Variants in MOCOS observed in about 807,000 individuals in gnomAD.
MOCOS encodes human molybdenum cofactor sulfurase.
Under a neutral mutation model 83.6 loss-of-function variants are expected in MOCOS, and 86 were observed. The ratio of observed to expected loss-of-function variants is 1.03; its 90% CI spans 0.86 to 1.23. MOCOS has a LOEUF of 1.23. Ranked by LOEUF, MOCOS falls within the 50% of genes most tolerant of loss-of-function variation. The probability of loss-of-function intolerance (pLI) is 0.00; values close to 1 mark genes in which losing one functional copy is unlikely to be tolerated. For synonymous variants in MOCOS, 445 were observed against 434.7 expected (o/e 1.02, Z -0.29); for missense variants, 1,120 against 1,126.9 (o/e 0.99, Z 0.09).
chr18:36,266,982 C>A, intron 14 of MOCOS, 129 bp downstream of exon 14: 1 of 776,612 alleles, frequency 1.3e-6, no homozygotes, highest in Non-Finnish European at 2.2e-6. Context: ...AGCTGTTGGG[C>A]TGCCATTAAC....
chr18:36,220,427 T>A (rs1293737251), intron 9 of MOCOS, among the ~76,000 whole-genome samples: 1 of 151,738 alleles, frequency 6.6e-6, no homozygotes, highest in Non-Finnish European at 1.5e-5. Flanking sequence ...AAGAATCACT[T>A]GAACCCGGGA....
chr18:36,264,395 C>A (rs896842106), intron 13 of MOCOS, among the ~76,000 whole-genome samples: 4 of 152,148 alleles, frequency 2.6e-5, no homozygotes, highest in East Asian at 3.9e-4. Flanking sequence ...CAGCTGTTTT[C>A]TAGGCAAAGA....
Position 36,246,559 on chromosome 18 carries a change from C to A in MOCOS, c.1961-2363C>A, listed in dbSNP as rs114044640. ...AGTAAAGTGGACTCTGTTGGGAGTCCTTGGTTGTAGTTTTGTTTTAGTGTG... is the reference window on the plus strand; with the variant it reads ...AGTAAAGTGGACTCTGTTGGGAGTCATTGGTTGTAGTTTTGTTTTAGTGTG... On this transcript the variant is annotated intron_variant, in intron 9 of 14. Coordinates refer to ENST00000261326, the MANE Select transcript of MOCOS (RefSeq NM_017947.4). 2.6e-3 allele frequency among the ~76,000 whole-genome samples: 392 copies of A among 152,204 alleles called. 1 individual carries two copies. Among genetic ancestry groups the A allele is most frequent in the African/African-American group, 9.0e-3 (375 of 41,526 alleles).
chr18:36,242,357 C>T (rs908847077), intron 9 of MOCOS, among the ~76,000 whole-genome samples: 2 of 152,208 alleles, frequency 1.3e-5, no homozygotes, highest in Non-Finnish European at 2.9e-5. Context: ...TTAGCCTGGA[C>T]TTCACTGTCC....
chr18:36,196,486 C>G (rs2091388097), intron 2 of MOCOS, among the ~76,000 whole-genome samples: 1 of 152,050 alleles, frequency 6.6e-6, no homozygotes, highest in Non-Finnish European at 1.5e-5. Flanking sequence ...CTCCAGAGCC[C>G]AAGCCCTTAG....
intron 9 of MOCOS, among the ~76,000 whole-genome samples, chr18:36,224,531 C>A (rs1014325924): frequency 6.6e-6 from 1 of 152,032 alleles, no homozygotes; most frequent in Non-Finnish European, 1.5e-5. Flanking sequence ...TTTCTGTGTC[C>A]ATTGAGATGA....
At chr18:36,236,051 G>A (rs1461196435) in intron 9 of MOCOS, among the ~76,000 whole-genome samples, 6 of 134,502 alleles carry the variant, frequency 4.5e-5, no homozygotes, top group African/African-American at 1.7e-4. Context: ...AGATGAGTAG[G>A]TTGTGAAAAT....
intron 9 of MOCOS, among the ~76,000 whole-genome samples, chr18:36,226,724 T>G (rs563065299): frequency 0.018 from 2,751 of 151,340 alleles, 81 homozygotes; most frequent in African/African-American, 0.063. Context: ...CTTTTTTTTT[T>G]TGGTGTGTAG....
chr18:36,204,716 G>A (rs2091427724), intron 5 of MOCOS, among the ~76,000 whole-genome samples: 1 of 152,162 alleles, frequency 6.6e-6, no homozygotes, highest in Non-Finnish European at 1.5e-5. Flanking sequence ...AGTGGTGCCA[G>A]GCGTGGTGGC....
At position 36,215,779 on chromosome 18, in the gene MOCOS, A is replaced by T. The variant is rs141749754; in HGVS notation, c.1599A>T (p.Glu533Asp). ...GCAGACGTAGCCTCTCGCCTCAGGA[A>T]GATGCCCTCACAGGCTCCAGGGTTT... ...VMGRRSLSPQ[E>D]DALTGSRVWN... Residue 533 changes from glutamate (E) to aspartate (D), a missense_variant, in exon 8 of 15, where the codon GAA becomes GAT. Glu to Asp is a conservative substitution (Grantham distance 45, BLOSUM62 2). Transcript: ENST00000261326. 225 of 1,614,216 alleles carry T rather than the reference A, an allele frequency of 1.4e-4. No homozygotes were observed. The East Asian group carries it at 4.9e-3, about 35-fold the overall frequency.
intron 9 of MOCOS, among the ~76,000 whole-genome samples, chr18:36,221,637 CTGTT>C (rs1439189706): frequency 4.4e-5 from 6 of 136,026 alleles, no homozygotes; most frequent in African/African-American, 8.2e-5. Context: ...CTGTTCTGTT[CTGTT>C]CTGTTCTGTT....
intron 6 of MOCOS, among the ~76,000 whole-genome samples, chr18:36,212,652 G>C (rs1327020003): frequency 6.6e-6 from 1 of 152,226 alleles, no homozygotes; most frequent in Non-Finnish European, 1.5e-5. Context: ...CCGTGGTCTT[G>C]ATAAGGGTCT....
intron 12 of MOCOS, 27 bp downstream of exon 12, chr18:36,257,100 A>C (rs1568068760): frequency 6.3e-7 from 1 of 1,584,846 alleles, no homozygotes; most frequent in Admixed American, 1.7e-5. Context: ...CGGGACTAGC[A>C]GACAAGCATA....
intron 5 of MOCOS, 88 bp from the exon 6 acceptor site, chr18:36,204,989 C>T (rs1156694977): frequency 1.9e-5 from 15 of 805,734 alleles, no homozygotes; most frequent in Admixed American, 1.5e-4. Flanking sequence ...TGAGTGAGAC[C>T]GTGTCTCAAA....
intron 8 of MOCOS, among the ~76,000 whole-genome samples, chr18:36,219,642 A>G (rs1363790816): frequency 6.6e-6 from 1 of 152,136 alleles, no homozygotes; most frequent in Non-Finnish European, 1.5e-5. Flanking sequence ...TTGCACCACT[A>G]CACTCCAGCC....
chr18:36,193,049 C>A (rs1233620201), intron 1 of MOCOS, among the ~76,000 whole-genome samples: 4 of 151,906 alleles, frequency 2.6e-5, no homozygotes. Flanking sequence ...CGGTGGCTCA[C>A]GCCTGTAATC....
chr18:36,214,313 T>C (rs1471388459), intron 7 of MOCOS, among the ~76,000 whole-genome samples: 1 of 151,704 alleles, frequency 6.6e-6, no homozygotes, highest in East Asian at 1.9e-4. Flanking sequence ...TAGCAGACTT[T>C]CAGATTCATT....
chr18:36,204,809 A>G (rs930123604), intron 5 of MOCOS, among the ~76,000 whole-genome samples: 5 of 151,856 alleles, frequency 3.3e-5, no homozygotes, highest in African/African-American at 1.2e-4. Flanking sequence ...CCTGGGCAAC[A>G]TGGTGAAACT....
chr18:36,262,544 G>T (rs1456576222), intron 13 of MOCOS, among the ~76,000 whole-genome samples: 1 of 152,068 alleles, frequency 6.6e-6, no homozygotes, highest in Non-Finnish European at 1.5e-5. Context: ...TGTTGTCCAG[G>T]CTAGAGTACA....
Sources: allele counts gnomAD v4.1 joint callset (sites outside exome capture counted in the v4.1 genomes callset), GRCh38; gene constraint gnomAD v4.1.1; transcripts MANE v1.5; gene names NCBI Gene and HGNC (gene_info 2026-07-23, HGNC 2026-07-21).